The following PITPNC1 variants were observed in gnomAD, a reference collection of about 807,000 sequenced individuals.
The protein encoded by PITPNC1 is cytoplasmic phosphatidylinositol transfer protein 1.
A neutral mutation model predicts 44.7 loss-of-function variants in PITPNC1; 18 were observed. That is an observed-to-expected ratio of 0.40 (90% confidence interval 0.28 to 0.60). The LOEUF is 0.60. PITPNC1 is among the 20% of genes least tolerant of loss of function. PITPNC1 has a pLI of 0.39. For synonymous variants in PITPNC1, 141 were observed against 149.6 expected, an observed-to-expected ratio of 0.94 and a Z score of 0.42; for missense variants, 290 against 418.4, an observed-to-expected ratio of 0.69 and a Z score of 2.68.
intron 2 of PITPNC1, among the ~76,000 whole-genome samples, chr17:67,547,472 T>C (rs2040700004): frequency 6.6e-6 from 1 of 152,168 alleles, no homozygotes; most frequent in African/African-American, 2.4e-5. Context: ...GATACGATCA[T>C]GCCACTGTAC....
At chr17:67,438,579 G>T (rs1011155334) in intron 1 of PITPNC1, among the ~76,000 whole-genome samples, 4 of 152,210 alleles carry the variant, frequency 2.6e-5, no homozygotes, top group Non-Finnish European at 5.9e-5. Context: ...GCCTCCTAAA[G>T]TGTTGGGATT....
chr17:67,440,955 A>G (rs2039004038), intron 1 of PITPNC1, among the ~76,000 whole-genome samples: 1 of 152,176 alleles, frequency 6.6e-6, no homozygotes, highest in Admixed American at 6.6e-5. Context: ...ATTATAATTC[A>G]TAATGATTCA....
At chr17:67,504,643 G>C (rs560083006) in intron 1 of PITPNC1, among the ~76,000 whole-genome samples, 3 of 152,130 alleles carry the variant, frequency 2.0e-5, no homozygotes, top group East Asian at 3.9e-4. Flanking sequence ...TTTCTTTTTT[G>C]TTTGGCCAGT....
At chr17:67,541,014 C>T (rs776058813) in intron 2 of PITPNC1, among the ~76,000 whole-genome samples, 4 of 152,022 alleles carry the variant, frequency 2.6e-5, no homozygotes, top group Non-Finnish European at 4.4e-5. Context: ...GTCAGGAGTT[C>T]GAGACCAGCC....
intron 4 of PITPNC1, among the ~76,000 whole-genome samples, chr17:67,564,946 T>G (rs760828297): frequency 7.9e-5 from 12 of 152,176 alleles, no homozygotes; most frequent in Non-Finnish European, 1.8e-4. Context: ...GGTATACTAG[T>G]TTTTCAATGT....
chr17:67,581,690 G>A (rs990010563), intron 5 of PITPNC1, among the ~76,000 whole-genome samples: 1 of 152,112 alleles, frequency 6.6e-6, no homozygotes, highest in Non-Finnish European at 1.5e-5. Context: ...TACATATTCA[G>A]CGGCTGTTGG....
chr17:67,578,077 C>T (rs951625191), intron 4 of PITPNC1, 109 bp from the exon 5 acceptor site: 4 of 761,316 alleles, frequency 5.3e-6, no homozygotes, highest in Non-Finnish European at 7.0e-6. Flanking sequence ...CATTTCTGTT[C>T]CGGGACGGTG....
intron 1 of PITPNC1, among the ~76,000 whole-genome samples, chr17:67,395,595 T>A (rs2038207459): frequency 6.6e-6 from 1 of 152,202 alleles, no homozygotes; most frequent in South Asian, 2.1e-4. Flanking sequence ...GAGTTTTCCC[T>A]GACTTAAAAT....
intron 6 of PITPNC1, among the ~76,000 whole-genome samples, chr17:67,655,179 G>T (rs144514518): frequency 2.0e-5 from 3 of 152,122 alleles, no homozygotes; most frequent in Non-Finnish European, 4.4e-5. Flanking sequence ...GAGATGGCTC[G>T]TTTCTTGGTT....
rs550459586 is a variant in PITPNC1 at position 67,471,827 on chromosome 17, AC to A, written c.49-60973del. ...AAACTCCCGACTTTCTTCAGATTTCACCAGTTTTTTCCACTAATGTCCTTTT... is the reference window on the plus strand; with the variant it reads ...AAACTCCCGACTTTCTTCAGATTTCACAGTTTTTTCCACTAATGTCCTTTT... On this transcript the variant is annotated intron_variant, in intron 1 of 8. Coordinates refer to ENST00000581322, the MANE Select transcript of PITPNC1 (RefSeq NM_012417.4). 5.9e-5 allele frequency among the ~76,000 whole-genome samples: 9 copies of A among 152,176 alleles called. No homozygotes were observed. The East Asian group carries it at 1.8e-3, about 30-fold the overall frequency.
At chr17:67,399,083 C>T (rs1180587692) in intron 1 of PITPNC1, among the ~76,000 whole-genome samples, 6 of 141,366 alleles carry the variant, frequency 4.2e-5, no homozygotes, top group Non-Finnish European at 9.0e-5. Flanking sequence ...GGTGCGATCT[C>T]GGCTCACTGC....
At chr17:67,552,230 T>C (rs749882106) in intron 2 of PITPNC1, 27 bp from the exon 3 acceptor site, 8 of 1,174,208 alleles carry the variant, frequency 6.8e-6, no homozygotes, top group Non-Finnish European at 1.0e-5. Flanking sequence ...CAGACTCCAA[T>C]TGTCTTTTTT....
At chr17:67,448,238 C>A (rs1047757089) in intron 1 of PITPNC1, among the ~76,000 whole-genome samples, 1 of 151,980 alleles carries the variant, frequency 6.6e-6, no homozygotes, top group Admixed American at 6.6e-5. Context: ...TGAGCCACTG[C>A]GCCCGGCTGC....
intron 1 of PITPNC1, among the ~76,000 whole-genome samples, chr17:67,477,902 T>C (rs1338622464): frequency 6.6e-6 from 1 of 152,118 alleles, no homozygotes; most frequent in East Asian, 1.9e-4. Flanking sequence ...GATTTCTGGG[T>C]GTGTCATAAT....
chr17:67,445,828 A>G (rs1212363820), intron 1 of PITPNC1, among the ~76,000 whole-genome samples: 2 of 152,114 alleles, frequency 1.3e-5, no homozygotes, highest in East Asian at 1.9e-4. Flanking sequence ...TTCTGATGCA[A>G]TGAGGTCTTT....
At chr17:67,687,767 A>T (rs969330266) in intron 8 of PITPNC1, among the ~76,000 whole-genome samples, 1 of 152,116 alleles carries the variant, frequency 6.6e-6, no homozygotes, top group Non-Finnish European at 1.5e-5. Context: ...TGCCTAGCAG[A>T]TCCCTGGGAC....
chr17:67,588,084 A>G (rs903261188), intron 5 of PITPNC1, among the ~76,000 whole-genome samples: 5 of 152,196 alleles, frequency 3.3e-5, no homozygotes, highest in Admixed American at 2.6e-4. Context: ...CCTCACTACA[A>G]TCTCTACCTC....
rs935911965 is a variant in PITPNC1 at position 67,400,522 on chromosome 17, C to T, written c.48+22320C>T. ...TTTATAGTTTAGCATTTTTTTAAAA[C>T]GCATTCCTCCCCCTTTCCGTTTTAT... On this transcript the variant is annotated intron_variant, in intron 1 of 8. Coordinates refer to ENST00000581322, the MANE Select transcript of PITPNC1 (RefSeq NM_012417.4). Among the ~76,000 whole-genome samples the T allele has an allele frequency of 6.6e-4, 100 of 152,202 alleles. 1 individual carries two copies. The highest frequency in any genetic ancestry group is 2.2e-3 in the African/African-American group (92 of 41,532).
In PITPNC1 at chr17:67,385,845, T is replaced by A. The variant is rs546065410; in HGVS notation, c.48+7643T>A. Among the ~76,000 whole-genome samples, 5 of 152,246 alleles carry A rather than the reference T, an allele frequency of 3.3e-5. No homozygotes were observed. The South Asian group carries it at 1.0e-3, about 32-fold the overall frequency. On this transcript the variant is annotated intron_variant, in intron 1 of 8. Coordinates refer to ENST00000581322, the MANE Select transcript of PITPNC1 (RefSeq NM_012417.4). ...AATGGAACAGACAAGGAGCAGATGC[T>A]GTCCTCCTGGCTGGTCAGTGAAATT...
Sources: allele counts gnomAD v4.1 joint callset (sites outside exome capture counted in the v4.1 genomes callset), GRCh38; gene constraint gnomAD v4.1.1; transcripts MANE v1.5; gene names NCBI Gene and HGNC (gene_info 2026-07-23, HGNC 2026-07-21).